CCSER2: variants seen among roughly 807,000 people sequenced by gnomAD.
CCSER2 encodes the protein serine-rich coiled-coil domain-containing protein 2.
Under a neutral mutation model 92.3 loss-of-function variants are expected in CCSER2, and 46 were observed. The observed-to-expected ratio is 0.50, with a 90% CI of 0.39 to 0.64. The LOEUF (loss-of-function observed/expected upper bound fraction) is 0.64. Among genes scored for constraint, CCSER2 ranks in the 30% least tolerant of loss-of-function variants. The pLI is 0.00. For missense variants in CCSER2, 1,244 were observed against 1,238.9 expected, an observed-to-expected ratio of 1.00 and a Z score of -0.06; for synonymous variants, 433 against 431.4, an observed-to-expected ratio of 1.00 and a Z score of -0.04.
At chr10:84,498,448 T>G (rs952612112) in intron 9 of CCSER2, among the ~76,000 whole-genome samples, 14 of 152,200 alleles carry the variant, frequency 9.2e-5, no homozygotes, top group African/African-American at 3.4e-4. Context: ...GTGGCTTTTT[T>G]TTTTCCCTTC....
intron 3 of CCSER2, among the ~76,000 whole-genome samples, chr10:84,400,323 C>T (rs967764125): frequency 6.6e-6 from 1 of 151,964 alleles, no homozygotes; most frequent in Non-Finnish European, 1.5e-5. Context: ...AAGACTTATC[C>T]TTATGTTTTT....
chr10:84,483,934 C>A (rs796898861), intron 9 of CCSER2, among the ~76,000 whole-genome samples: 16 of 132,522 alleles, frequency 1.2e-4, no homozygotes, highest in African/African-American at 4.4e-4. Context: ...ACAGGTGCAT[C>A]CCACCACACC....
chr10:84,420,424 A>G (rs537419556), intron 4 of CCSER2, among the ~76,000 whole-genome samples: 2 of 152,342 alleles, frequency 1.3e-5, no homozygotes, highest in Admixed American at 6.5e-5. Flanking sequence ...ATAAAATAGT[A>G]TCTAGGTTTG....
At chr10:84,335,122 G>T (rs148592418) in intron 1 of CCSER2, among the ~76,000 whole-genome samples, 91 of 151,552 alleles carry the variant, frequency 6.0e-4, no homozygotes, top group African/African-American at 2.1e-3. Context: ...TCAGGGTTTT[G>T]GTCCTTCTGT....
chr10:84,392,600 C>T (rs1189128837), intron 3 of CCSER2, among the ~76,000 whole-genome samples: 2 of 151,352 alleles, frequency 1.3e-5, no homozygotes, highest in Admixed American at 1.3e-4. Context: ...ACAAACAGAA[C>T]TAATATAGTT....
chr10:84,397,255 A>G (rs922593341), intron 3 of CCSER2, among the ~76,000 whole-genome samples: 1 of 152,206 alleles, frequency 6.6e-6, no homozygotes, highest in African/African-American at 2.4e-5. Flanking sequence ...ATCCTATGAT[A>G]TTTTTATTAC....
intron 9 of CCSER2, among the ~76,000 whole-genome samples, chr10:84,481,398 A>G (rs963570437): frequency 6.6e-6 from 1 of 151,434 alleles, no homozygotes; most frequent in African/African-American, 2.4e-5. Context: ...TTTTATATAT[A>G]TTGATTTTAT....
At chr10:84,448,087 A>G (rs1055385938) in intron 6 of CCSER2, among the ~76,000 whole-genome samples, 2 of 151,856 alleles carry the variant, frequency 1.3e-5, no homozygotes, top group Non-Finnish European at 2.9e-5. Flanking sequence ...CTCCACACCA[A>G]TCCCCATCTC....
chr10:84,508,906 C>A (rs1210611251), intron 9 of CCSER2, among the ~76,000 whole-genome samples: 1 of 152,134 alleles, frequency 6.6e-6, no homozygotes, highest in South Asian at 2.1e-4. Flanking sequence ...AAGTCCTATG[C>A]TAAATGTTTT....
At chr10:84,496,546 A>G (rs1848461958) in intron 9 of CCSER2, among the ~76,000 whole-genome samples, 1 of 151,970 alleles carries the variant, frequency 6.6e-6, no homozygotes, top group Non-Finnish European at 1.5e-5. Context: ...CGGCCTCCCA[A>G]AGTGCTGGGA....
At chr10:84,457,709 TTATA>T (rs1845855777) in intron 6 of CCSER2, among the ~76,000 whole-genome samples, 1 of 120,444 alleles carries the variant, frequency 8.3e-6, no homozygotes, top group South Asian at 2.3e-4. Flanking sequence ...TATAATTATA[TTATA>T]TATAAATATA....
rs1564684881 is a variant in CCSER2, at chr10:84,457,301, A to AATATATAATATATAATATATT, written c.2065-6628_2065-6627insATAATATATAATATATTATAT. Among the ~76,000 whole-genome samples, 141 of 53,376 alleles carry AATATATAATATATAATATATT rather than the reference A, an allele frequency of 2.6e-3. 2 individuals are homozygous for AATATATAATATATAATATATT. The highest frequency in any genetic ancestry group is 4.1e-3 in the Non-Finnish European group (124 of 29,894). 35.0% of individuals were successfully genotyped at this position (53,376 alleles called of 152,430 possible). A position where few individuals can be genotyped will look rare whatever the true frequency, so the allele number is the denominator to read the frequency against. On this transcript the variant is annotated intron_variant, in intron 6 of 9. Transcript: ENST00000372088. ...ATATTATATATTATATATTATATATAATATGTTATATATAATATATTATAT... is the reference window on the plus strand; with the variant it reads ...ATATTATATATTATATATTATATATAATATATAATATATAATATATTATATGTTATATATAATATATTATAT...
In CCSER2 at chr10:84,469,255, A is replaced by G. The variant is rs533287670; in HGVS notation, c.2149-1117A>G. Among the ~76,000 whole-genome samples the G allele has an allele frequency of 9.8e-5, 15 of 152,318 alleles. No homozygotes were observed. The East Asian group carries it at 2.9e-3, about 29-fold the overall frequency. On this transcript the variant is annotated intron_variant, in intron 7 of 9. Transcript: ENST00000372088. ...AATGTGTCCTTCTAAATGTATTCTT[A>G]GAAATGTATCTTTCATGATCTGCAA...
At chr10:84,378,821 C>A (rs1846487134) in intron 3 of CCSER2, among the ~76,000 whole-genome samples, 1 of 152,148 alleles carries the variant, frequency 6.6e-6, no homozygotes, top group African/African-American at 2.4e-5. Flanking sequence ...AATCCTCCTC[C>A]CACAGTCTCC....
At chr10:84,341,350 T>C (rs1157239881) in intron 1 of CCSER2, among the ~76,000 whole-genome samples, 1 of 146,426 alleles carries the variant, frequency 6.8e-6, no homozygotes, top group Non-Finnish European at 1.5e-5. Context: ...ACTCTTTTTT[T>C]TTTTTTTTTT....
chr10:84,392,695 A>T (rs1168320648), intron 3 of CCSER2, among the ~76,000 whole-genome samples: 1 of 152,156 alleles, frequency 6.6e-6, no homozygotes, highest in Admixed American at 6.5e-5. Context: ...AATAGAACAA[A>T]ACAAACATGA....
chr10:84,509,875 A>G (rs1849262779), intron 9 of CCSER2, among the ~76,000 whole-genome samples: 1 of 152,178 alleles, frequency 6.6e-6, no homozygotes. Flanking sequence ...ATACAAGCCA[A>G]TACCTCATCT....
At chr10:84,335,521 G>C (rs912118281) in intron 1 of CCSER2, among the ~76,000 whole-genome samples, 1 of 152,066 alleles carries the variant, frequency 6.6e-6, no homozygotes, top group Non-Finnish European at 1.5e-5. Flanking sequence ...TGGGATTACA[G>C]GTGTGAGCCA....
chr10:84,423,299 C>T (rs1843246022), intron 4 of CCSER2, among the ~76,000 whole-genome samples: 2 of 152,180 alleles, frequency 1.3e-5, no homozygotes, highest in South Asian at 4.1e-4. Context: ...TTGGAGCAGT[C>T]ATTTCTCTAG....
Sources: gnomAD v4.1 joint callset for allele counts (sites outside exome capture counted in the v4.1 genomes callset) on GRCh38, gnomAD v4.1.1 for gene constraint, MANE v1.5 for transcripts, NCBI Gene and HGNC (gene_info 2026-07-23, HGNC 2026-07-21) for gene names.